The following AMD1 variants were observed in gnomAD, a reference collection of about 807,000 sequenced individuals.
AMD1 encodes the protein S-adenosylmethionine decarboxylase proenzyme.
AMD1 carries 11 observed loss-of-function variants against 40.2 expected under a neutral mutation model. The observed-to-expected ratio is 0.27, with a 90% confidence interval of 0.17 to 0.45. AMD1 has a LOEUF of 0.45. AMD1 is among the 20% of genes least tolerant of loss of function. The pLI, the probability that AMD1 is intolerant of heterozygous loss-of-function variation, is 1.00. For synonymous variants in AMD1, 121 were observed against 130.8 expected (o/e 0.93, Z 0.51); for missense variants, 257 against 410.2 (o/e 0.63, Z 3.23).
In AMD1 at chr6:110,893,000, C is replaced by T. The variant is rs1230346846; in HGVS notation, c.799C>T (p.Leu267=). The T allele has an allele frequency of 6.2e-7, 1 of 1,613,848 alleles. No homozygotes were observed. The highest frequency in any genetic ancestry group is 1.3e-5 in the African/African-American group (1 of 74,896). Residue 267 remains leucine (L), a synonymous_variant, in exon 8 of 9, where the codon CTG becomes TTG. Coordinates refer to ENST00000368885, the MANE Select transcript of AMD1 (RefSeq NM_001634.6). ...CTTAAGTCAGACCTCCTATGATGAC[C>T]TGATCAGGAAAGTTGTAGAAGTCTT... The part of the protein sequence containing the change: ...TNLSQTSYDD[L]IRKVVEVFKP...
At chr6:110,878,269 C>T (rs191453611) in intron 1 of AMD1, among the ~76,000 whole-genome samples, 1 of 141,272 alleles carries the variant, frequency 7.1e-6, no homozygotes, top group Non-Finnish European at 1.6e-5. Flanking sequence ...ATCTGCAATC[C>T]ATCTGGAATT....
In AMD1 at chr6:110,888,010, T is replaced by C. The variant is rs1785790636; in HGVS notation, c.197+419T>C. Among the ~76,000 whole-genome samples the C allele has an allele frequency of 3.9e-5, 6 of 152,058 alleles. No individual in the cohort carries two copies. In the South Asian group the frequency reaches 8.3e-4, roughly 21 times the overall value. ...CTTTTTTTTACATTATTCTTAAAAA[T>C]ATGGTATAAAAGGAAACATTTAGTG... On this transcript the variant is annotated intron_variant, in intron 2 of 8. Transcript: ENST00000368885.
At chr6:110,892,612 G>GC in intron 6 of AMD1, 123 bp from the exon 7 acceptor site, 1 of 1,395,060 alleles carries the variant, frequency 7.2e-7, no homozygotes, top group South Asian at 1.3e-5. Context: ...CAGGTGTTAA[G>GC]CCTAGTACCC....
chr6:110,857,579 A>G, the AMD1 span, among the ~76,000 whole-genome samples: 7 of 142,618 alleles, frequency 4.9e-5, no homozygotes, highest in East Asian at 4.0e-4. Flanking sequence ...ATAATATGGT[A>G]TATATATATA....
the AMD1 span, chr6:110,815,103 C>A: frequency 6.2e-7 from 1 of 1,602,616 alleles, no homozygotes; most frequent in Non-Finnish European, 8.5e-7. Flanking sequence ...CGCTCCCGCT[C>A]CGCCGCCAGC....
At chr6:110,814,706 C>T in the AMD1 span, 8 of 588,622 alleles carry the variant, frequency 1.4e-5, no homozygotes, top group Non-Finnish European at 2.6e-5. Context: ...ACAAACTCCT[C>T]CTCCACCGCG....
chr6:110,868,400 T>C, the AMD1 span, among the ~76,000 whole-genome samples: 2 of 152,022 alleles, frequency 1.3e-5, no homozygotes, highest in Non-Finnish European at 2.9e-5. Flanking sequence ...CTGCCTGCCT[T>C]GGACTCCAAA....
Position 110,890,367 on chromosome 6 carries a change from A to G in AMD1, c.427+11A>G. 6.5e-7 allele frequency: 1 copy of G among 1,544,976 alleles called. No homozygotes were observed. The highest frequency in any genetic ancestry group is 8.8e-7 in the Non-Finnish European group (1 of 1,135,618). ...ATGCAATTTTCCCAAGTAAGTTTAA[A>G]TAAAATATAAACCTGTTGTCTTCTT... On this transcript the variant is annotated intron_variant, in intron 4 of 8. Coordinates refer to ENST00000368885, the MANE Select transcript of AMD1 (RefSeq NM_001634.6).
Position 110,892,415 on chromosome 6 carries a change from A to T in AMD1, c.587A>T (p.Asp196Val), listed in dbSNP as rs745527915. 6.2e-7 allele frequency: 1 copy of T among 1,612,344 alleles called. No individual in the cohort carries two copies. Among genetic ancestry groups the T allele is most frequent in the Non-Finnish European group, 8.5e-7 (1 of 1,180,028 alleles). The change falls in exon 6 of 9, where the codon GAT (aspartate) becomes GTT (valine). Residue 196 changes from aspartate to valine, a missense_variant. Asp to Val is a radical substitution (Grantham distance 152, BLOSUM62 -3). Coordinates refer to ENST00000368885, the MANE Select transcript of AMD1 (RefSeq NM_001634.6). Reference sequence around the variant, plus strand: ...GTTATGGACCAGTTCTACATGAAAGATGGTGTTACTGCAAAGGATGTCACT... The same window carrying T: ...GTTATGGACCAGTTCTACATGAAAGTTGGTGTTACTGCAAAGGATGTCACT... ...PAVMDQFYMK[D>V]GVTAKDVTRE...
At chr6:110,872,056 T>C (rs901294464), upstream of AMD1, among the ~76,000 whole-genome samples, 30 of 152,290 alleles carry the variant, frequency 2.0e-4, no homozygotes, top group African/African-American at 7.0e-4. Flanking sequence ...ATTGAAAGAT[T>C]GAGTAAATGG....
the AMD1 span, among the ~76,000 whole-genome samples, chr6:110,848,838 T>A: frequency 2.6e-5 from 4 of 152,134 alleles, no homozygotes; most frequent in African/African-American, 9.7e-5. Context: ...ACACCTCATC[T>A]CCACAAAAAT....
the AMD1 span, among the ~76,000 whole-genome samples, chr6:110,819,123 C>T: frequency 1.3e-5 from 2 of 152,150 alleles, no homozygotes; most frequent in African/African-American, 2.4e-5. Context: ...TTTGGGAGGC[C>T]GAGGTGGGCG....
At chr6:110,819,574 T>C in the AMD1 span, among the ~76,000 whole-genome samples, 1 of 152,120 alleles carries the variant, frequency 6.6e-6, no homozygotes, top group African/African-American at 2.4e-5. Flanking sequence ...AACACAGGAA[T>C]GGGAGCAATT....
chr6:110,889,505 A>C (rs368269172), intron 3 of AMD1: 12 of 152,652 alleles, frequency 7.9e-5, no homozygotes, highest in African/African-American at 2.9e-4. Flanking sequence ...ATGCAATAGC[A>C]CGATCTCAGC....
chr6:110,878,150 C>A (rs895590709), intron 1 of AMD1, among the ~76,000 whole-genome samples: 11 of 152,096 alleles, frequency 7.2e-5, no homozygotes, highest in Admixed American at 4.6e-4. Flanking sequence ...AGAAAATATC[C>A]AACTTTTTTC....
At chr6:110,857,380 A>G in the AMD1 span, among the ~76,000 whole-genome samples, 1 of 151,304 alleles carries the variant, frequency 6.6e-6, no homozygotes, top group African/African-American at 2.4e-5. Context: ...TAAAAATACA[A>G]AATTAGCTGG....
chr6:110,858,741 T>C, the AMD1 span: 6 of 770,290 alleles, frequency 7.8e-6, no homozygotes, highest in Non-Finnish European at 1.4e-5. Context: ...ACCATCGGGC[T>C]GCAGATGGGC....
chr6:110,815,367 G>A, the AMD1 span: 116 of 383,650 alleles, frequency 3.0e-4, no homozygotes, highest in Middle Eastern at 7.1e-4. Flanking sequence ...CGGCGGCGGC[G>A]GCTCCCGCAG....
chr6:110,819,945 C>G, the AMD1 span, among the ~76,000 whole-genome samples: 1 of 152,158 alleles, frequency 6.6e-6, no homozygotes, highest in Non-Finnish European at 1.5e-5. Context: ...TAGGAGACAT[C>G]CTACCAGTGC....
Sources: allele counts gnomAD v4.1 joint callset (sites outside exome capture counted in the v4.1 genomes callset), GRCh38; gene constraint gnomAD v4.1.1; transcripts MANE v1.5; gene names NCBI Gene and HGNC (gene_info 2026-07-23, HGNC 2026-07-21).